The following SMARCA1 variants were observed in gnomAD, a reference collection of about 807,000 sequenced individuals.
SMARCA1 encodes the protein SWI/SNF-related matrix-associated actin-dependent regulator of chromatin subfamily A member 1.
SMARCA1 carries 17 observed loss-of-function variants against 93.6 expected under a neutral mutation model. The observed-to-expected ratio is 0.18, with a 90% CI of 0.12 to 0.27. The LOEUF (loss-of-function observed/expected upper bound fraction) is 0.27, where lower values mean the gene tolerates loss of function less well. Among genes scored for constraint, SMARCA1 ranks in the 10% least tolerant of loss-of-function variants. The probability of loss-of-function intolerance (pLI) is 1.00; values close to 1 mark genes in which losing one functional copy is unlikely to be tolerated. For missense variants in SMARCA1, 630 were observed against 819.0 expected, an observed-to-expected ratio of 0.77 and a Z score of 2.82; for synonymous variants, 271 against 271.4, an observed-to-expected ratio of 1.00 and a Z score of 0.01.
At chrX:129,465,056 T>A (rs1290593038) in intron 23 of SMARCA1, among the ~76,000 whole-genome samples, 7 of 110,319 alleles carry the variant, frequency 6.3e-5, no homozygotes, top group East Asian at 2.8e-4. Flanking sequence ...TCATCAATTT[T>A]AAAAAAAACA....
chrX:129,485,264 G>A (rs530125997), intron 17 of SMARCA1, among the ~76,000 whole-genome samples: 6 of 112,461 alleles, frequency 5.3e-5, no homozygotes, highest in African/African-American at 1.3e-4. Flanking sequence ...CAGGATGGGG[G>A]AAACAGAGTC....
chrX:129,486,341 G>A (rs999380250), intron 17 of SMARCA1, among the ~76,000 whole-genome samples: 2 of 110,672 alleles, frequency 1.8e-5, no homozygotes, highest in Non-Finnish European at 3.8e-5. Flanking sequence ...CTGAGTGAAG[G>A]CTATAGGTTA....
intron 23 of SMARCA1, among the ~76,000 whole-genome samples, chrX:129,451,821 A>G (rs1722105224): frequency 9.4e-6 from 1 of 106,817 alleles, no homozygotes; most frequent in Non-Finnish European, 1.9e-5. Flanking sequence ...CTCCTGCCTC[A>G]GCCTCCCGAG....
chrX:129,507,387 C>A (rs1033984450), intron 7 of SMARCA1, among the ~76,000 whole-genome samples: 5 of 112,343 alleles, frequency 4.5e-5, no homozygotes, highest in Admixed American at 9.5e-5. Context: ...GATATTTGCA[C>A]ACTAAATATT....
At chrX:129,495,605 C>T (rs776478135) in intron 12 of SMARCA1, among the ~76,000 whole-genome samples, 7 of 110,772 alleles carry the variant, frequency 6.3e-5, no homozygotes, top group Admixed American at 1.9e-4. Flanking sequence ...ACTGACTAGC[C>T]TCAAGCAATC....
intron 23 of SMARCA1, among the ~76,000 whole-genome samples, chrX:129,459,812 C>G (rs1302262822): frequency 8.9e-6 from 1 of 111,858 alleles, no homozygotes; most frequent in Admixed American, 9.5e-5. Flanking sequence ...TCACTGAACG[C>G]CTACTCTGGG....
chrX:129,481,211 G>T, intron 17 of SMARCA1, 26 bp from the exon 18 acceptor site: 1 of 956,877 alleles, frequency 1.0e-6, no homozygotes, highest in Non-Finnish European at 1.5e-6. Flanking sequence ...AACAACAAGG[G>T]GTTTAATGAC....
intron 21 of SMARCA1, among the ~76,000 whole-genome samples, chrX:129,468,272 C>A (rs982360117): frequency 1.8e-5 from 2 of 112,296 alleles, no homozygotes; most frequent in Admixed American, 1.9e-4. Context: ...TTGATTAAAG[C>A]AATCTTTTCA....
At chrX:129,477,563 A>T (rs1259264779) in intron 19 of SMARCA1, among the ~76,000 whole-genome samples, 1 of 110,858 alleles carries the variant, frequency 9.0e-6, no homozygotes, top group Non-Finnish European at 1.9e-5. Context: ...CTCAAAAAAA[A>T]ATTGTAAATC....
chrX:129,476,632 G>C (rs778010910), intron 19 of SMARCA1, among the ~76,000 whole-genome samples: 30 of 111,713 alleles, frequency 2.7e-4, no homozygotes, highest in Non-Finnish European at 5.1e-4. Context: ...GGGGGAAAGA[G>C]TCCCTTTTTG....
intron 23 of SMARCA1, among the ~76,000 whole-genome samples, chrX:129,459,555 G>A (rs182941840): frequency 8.9e-6 from 1 of 112,427 alleles, no homozygotes; most frequent in South Asian, 3.7e-4. Flanking sequence ...GTACCAAATC[G>A]AACACTATTG....
chrX:129,519,661 C>T (rs1380011289), intron 1 of SMARCA1, among the ~76,000 whole-genome samples: 1 of 111,569 alleles, frequency 9.0e-6, no homozygotes, highest in Non-Finnish European at 1.9e-5. Context: ...GCATCTGATA[C>T]GTACACATCT....
chrX:129,464,209 T>G (rs780647887), intron 23 of SMARCA1, among the ~76,000 whole-genome samples: 6 of 112,488 alleles, frequency 5.3e-5, no homozygotes, highest in African/African-American at 1.9e-4. Context: ...ACCCAGATTT[T>G]TCCTTTCCTT....
At chrX:129,458,896 CT>C (rs774700699) in intron 23 of SMARCA1, among the ~76,000 whole-genome samples, 1 of 111,967 alleles carries the variant, frequency 8.9e-6, no homozygotes, top group Admixed American at 9.5e-5. Flanking sequence ...CACCTTTGCT[CT>C]TTTTTAATCG....
At chrX:129,502,460 T>C (rs931977104) in intron 9 of SMARCA1, among the ~76,000 whole-genome samples, 12 of 111,590 alleles carry the variant, frequency 1.1e-4, no homozygotes, top group Admixed American at 1.1e-3. Context: ...AGTTAGCAGC[T>C]TCAAAGCAAT....
chrX:129,447,902 G>A (rs1306864827), intron 24 of SMARCA1, among the ~76,000 whole-genome samples: 1 of 111,644 alleles, frequency 9.0e-6, no homozygotes, highest in African/African-American at 3.3e-5. Flanking sequence ...ACCAAGCAAA[G>A]CTTTGTTGTC....
At chrX:129,449,211 AT>A in intron 23 of SMARCA1, among the ~76,000 whole-genome samples, 1 of 111,952 alleles carries the variant, frequency 8.9e-6, no homozygotes, top group East Asian at 2.8e-4. Context: ...ACAAAAAAAA[AT>A]AAGGGGATGT....
chrX:129,506,873 A>C (rs915397726), intron 7 of SMARCA1, among the ~76,000 whole-genome samples: 2 of 109,620 alleles, frequency 1.8e-5, no homozygotes, highest in Non-Finnish European at 3.8e-5. Context: ...CACCAACCAC[A>C]TTCATCTACA....
chrX:129,490,785 G>A (rs1413752908), intron 14 of SMARCA1, among the ~76,000 whole-genome samples: 1 of 110,558 alleles, frequency 9.0e-6, no homozygotes, highest in Non-Finnish European at 1.9e-5. Flanking sequence ...GGTAAAGGGA[G>A]GAGGGTGGTA....
Sources: gnomAD v4.1 joint callset for allele counts (sites outside exome capture counted in the v4.1 genomes callset) on GRCh38, gnomAD v4.1.1 for gene constraint, MANE v1.5 for transcripts, NCBI Gene and HGNC (gene_info 2026-07-23, HGNC 2026-07-21) for gene names.